Variants in CDYL2 observed in about 807,000 individuals in gnomAD.
CDYL2 encodes the protein chromodomain Y-like protein 2.
Under a neutral mutation model 49.4 loss-of-function variants are expected in CDYL2, and 23 were observed. That is an observed-to-expected ratio of 0.47 (90% CI 0.34 to 0.66). The LOEUF (loss-of-function observed/expected upper bound fraction) is 0.66. Ranked by LOEUF, CDYL2 falls within the 30% of genes least tolerant of loss-of-function variation. The pLI, the probability that CDYL2 is intolerant of heterozygous loss-of-function variation, is 0.01. For missense variants in CDYL2, 678 were observed against 656.4 expected, an observed-to-expected ratio of 1.03 and a Z score of -0.36; for synonymous variants, 360 against 268.8, an observed-to-expected ratio of 1.34 and a Z score of -3.32.
intron 1 of CDYL2, among the ~76,000 whole-genome samples, chr16:80,802,535 A>G (rs1301872310): frequency 1.3e-5 from 2 of 152,228 alleles, no homozygotes; most frequent in Non-Finnish European, 2.9e-5. Context: ...AGTTCTTCAC[A>G]AGATCTCTAT....
chr16:80,642,373 C>T lies in CDYL2; in HGVS notation c.617-9137G>A, dbSNP rs535974118. Among the ~76,000 whole-genome samples, 33 of 152,162 alleles carry T rather than the reference C, an allele frequency of 2.2e-4. No individual in the cohort carries two copies. In the South Asian group the frequency reaches 5.8e-3, roughly 27 times the overall value. ...TGAGAGAATGGCTTGAACCAGGAGGCGGAAGTTGCAGTGAGCCAAGATCTC... is the reference window on the plus strand; with the variant it reads ...TGAGAGAATGGCTTGAACCAGGAGGTGGAAGTTGCAGTGAGCCAAGATCTC... On this transcript the variant is annotated intron_variant, in intron 2 of 6. Transcript: ENST00000570137.
At chr16:80,631,958 C>A (rs1477699472) in intron 3 of CDYL2, among the ~76,000 whole-genome samples, 2 of 152,088 alleles carry the variant, frequency 1.3e-5, no homozygotes, top group Non-Finnish European at 2.9e-5. Context: ...AAATGGGGGA[C>A]CCACTGTGGA....
intron 3 of CDYL2, among the ~76,000 whole-genome samples, chr16:80,631,420 G>A (rs13337893): frequency 0.056 from 8,484 of 152,156 alleles, 723 homozygotes; most frequent in African/African-American, 0.18. Context: ...CCCTTCTCCT[G>A]CCATGTACCC....
intron 1 of CDYL2, among the ~76,000 whole-genome samples, chr16:80,776,846 C>T (rs1377541536): frequency 6.6e-6 from 1 of 150,876 alleles, no homozygotes; most frequent in African/African-American, 2.4e-5. Context: ...GAGACAGAGT[C>T]TCCCTCTGTC....
At chr16:80,730,864 T>C (rs1905303666) in intron 1 of CDYL2, among the ~76,000 whole-genome samples, 1 of 152,134 alleles carries the variant, frequency 6.6e-6, no homozygotes, top group African/African-American at 2.4e-5. Context: ...GGAGCACACA[T>C]TGTATGATCA....
chr16:80,628,150 CTTG>C (rs1907386667), intron 3 of CDYL2: 1 of 152,306 alleles, frequency 6.6e-6, no homozygotes, highest in South Asian at 2.1e-4. Context: ...ACTTTAAATC[CTTG>C]TTGTGATTCT....
rs547662564 is a variant in CDYL2, at chr16:80,673,423, T to C, written c.616+11115A>G. 3.3e-5 allele frequency among the ~76,000 whole-genome samples: 5 copies of C among 152,352 alleles called. No individual in the cohort carries two copies. The East Asian group carries it at 7.7e-4, about 23-fold the overall frequency. ...AGTCCACACCAAGTAGATTATTTCA[T>C]TTAAACAAAATAATTATTTCGCTTA... On this transcript the variant is annotated intron_variant, in intron 2 of 6. Coordinates refer to ENST00000570137, the MANE Select transcript of CDYL2 (RefSeq NM_152342.4).
At chr16:80,784,050 C>T (rs1268253373) in intron 1 of CDYL2, among the ~76,000 whole-genome samples, 2 of 152,164 alleles carry the variant, frequency 1.3e-5, no homozygotes, top group Non-Finnish European at 2.9e-5. Context: ...CTATGTTATA[C>T]TGTATATATT....
intron 2 of CDYL2, among the ~76,000 whole-genome samples, chr16:80,638,042 G>A (rs1907917706): frequency 6.6e-6 from 1 of 151,898 alleles, no homozygotes; most frequent in African/African-American, 2.4e-5. Context: ...CTAAGTAAAT[G>A]GAGAAATAAT....
chr16:80,668,985 G>C (rs1424161633), intron 2 of CDYL2, among the ~76,000 whole-genome samples: 1 of 151,828 alleles, frequency 6.6e-6, no homozygotes, highest in Non-Finnish European at 1.5e-5. Context: ...TCACCTATTT[G>C]TAACTTTAGA....
intron 1 of CDYL2, among the ~76,000 whole-genome samples, chr16:80,733,478 G>A (rs994147985): frequency 1.3e-5 from 2 of 152,186 alleles, no homozygotes; most frequent in African/African-American, 2.4e-5. Flanking sequence ...ACAGGTTTAT[G>A]GAGGCTTCCT....
At chr16:80,712,057 G>C (rs1438932119) in intron 1 of CDYL2, among the ~76,000 whole-genome samples, 3 of 150,342 alleles carry the variant, frequency 2.0e-5, no homozygotes, top group East Asian at 2.0e-4. Flanking sequence ...ATATAGATGT[G>C]TGTGTATAGA....
intron 1 of CDYL2, among the ~76,000 whole-genome samples, chr16:80,691,536 C>T (rs1013172853): frequency 2.6e-5 from 4 of 152,188 alleles, no homozygotes; most frequent in Admixed American, 1.3e-4. Flanking sequence ...GAGAGACCAA[C>T]AGGAATTTCC....
At chr16:80,746,705 G>A (rs34393386) in intron 1 of CDYL2, among the ~76,000 whole-genome samples, 1 of 152,156 alleles carries the variant, frequency 6.6e-6, no homozygotes, top group Admixed American at 6.5e-5. Context: ...GCAGGTGTGA[G>A]GGTGTGGGGC....
intron 5 of CDYL2, among the ~76,000 whole-genome samples, chr16:80,611,728 G>C (rs1320185180): frequency 1.3e-5 from 2 of 152,206 alleles, no homozygotes; most frequent in Non-Finnish European, 2.9e-5. Context: ...TCCGCAAAAT[G>C]GGGATCACAG....
chr16:80,744,692 T>C (rs192591761), intron 1 of CDYL2, among the ~76,000 whole-genome samples: 1 of 152,270 alleles, frequency 6.6e-6, no homozygotes, highest in East Asian at 1.9e-4. Flanking sequence ...TCAAAGGCCA[T>C]ATAGGGGTCT....
At chr16:80,634,099 G>C (rs777452879) in intron 2 of CDYL2, among the ~76,000 whole-genome samples, 1 of 151,030 alleles carries the variant, frequency 6.6e-6, no homozygotes, top group Non-Finnish European at 1.5e-5. Context: ...AAAAGGGAAA[G>C]AGAGAGGGAA....
intron 1 of CDYL2, among the ~76,000 whole-genome samples, chr16:80,798,028 GTTGT>G (rs561857617): frequency 9.9e-4 from 151 of 152,192 alleles, no homozygotes; most frequent in Admixed American, 4.4e-3. Context: ...TGTTGTTGTT[GTTGT>G]TTGTTTGTTT....
At chr16:80,738,747 T>C (rs1390548319) in intron 1 of CDYL2, 2 of 152,238 alleles carry the variant, frequency 1.3e-5, no homozygotes, top group African/African-American at 4.8e-5. Context: ...CACTTTCAAT[T>C]GGTGAGTCAT....
Sources: gnomAD v4.1 joint callset for allele counts (sites outside exome capture counted in the v4.1 genomes callset) on GRCh38, gnomAD v4.1.1 for gene constraint, MANE v1.5 for transcripts, NCBI Gene and HGNC (gene_info 2026-07-23, HGNC 2026-07-21) for gene names.